Variants in SPRR2G observed in about 807,000 individuals in gnomAD.
SPRR2G encodes the protein small proline-rich protein 2G.
In SPRR2G, 1 loss-of-function variant was observed where a neutral mutation model predicts 0.7. That is an observed-to-expected ratio of 1.49 (90% confidence interval 0.53 to 7.06). The LOEUF is 7.06. Among genes scored for constraint, SPRR2G ranks in the 30% most tolerant of loss-of-function variants. The pLI, the probability that SPRR2G is intolerant of heterozygous loss-of-function variation, is 0.14. For synonymous variants in SPRR2G, 38 were observed against 33.9 expected, an observed-to-expected ratio of 1.12 and a Z score of -0.42; for missense variants, 96 against 88.5, an observed-to-expected ratio of 1.09 and a Z score of -0.34.
the SPRR2G span, among the ~76,000 whole-genome samples, chr1:153,194,192 A>G: frequency 9.2e-5 from 14 of 152,198 alleles, no homozygotes; most frequent in Non-Finnish European, 1.8e-4. Context: ...AAAAAAAGAG[A>G]GATCAGATTT....
At chr1:153,163,618 T>C in the SPRR2G span, among the ~76,000 whole-genome samples, 3,347 of 152,216 alleles carry the variant, frequency 0.022, 108 homozygotes, top group East Asian at 0.1. Context: ...AAAATGCAGC[T>C]CTCAATCCTC....
chr1:153,176,271 C>G, the SPRR2G span: 1 of 152,138 alleles, frequency 6.6e-6, no homozygotes, highest in Non-Finnish European at 1.5e-5. Flanking sequence ...AGTTGGAACA[C>G]GTGGACTTTG....
chr1:153,182,725 T>A, the SPRR2G span, among the ~76,000 whole-genome samples: 1 of 152,156 alleles, frequency 6.6e-6, no homozygotes, highest in Non-Finnish European at 1.5e-5. Context: ...ATGAACTCAT[T>A]CTTTTTTATG....
At chr1:153,162,841 A>G in the SPRR2G span, among the ~76,000 whole-genome samples, 3 of 152,176 alleles carry the variant, frequency 2.0e-5, no homozygotes, top group Non-Finnish European at 4.4e-5. Context: ...TGAGCCCCTT[A>G]GGGCAGAGAT....
chr1:153,183,581 G>A, the SPRR2G span, among the ~76,000 whole-genome samples: 2 of 151,930 alleles, frequency 1.3e-5, no homozygotes, highest in East Asian at 1.9e-4. Context: ...TTTTTTTCTT[G>A]TAAATTTATT....
chr1:153,169,723 G>C, the SPRR2G span, among the ~76,000 whole-genome samples: 33 of 151,652 alleles, frequency 2.2e-4, no homozygotes, highest in Non-Finnish European at 3.8e-4. Flanking sequence ...AACAACCCAG[G>C]GCATGAAGCT....
chr1:153,165,276 C>G, the SPRR2G span, among the ~76,000 whole-genome samples: 4 of 151,922 alleles, frequency 2.6e-5, no homozygotes, highest in Admixed American at 6.6e-5. Flanking sequence ...TGAACTAATA[C>G]AATAAATAGG....
At chr1:153,162,806 T>A in the SPRR2G span, among the ~76,000 whole-genome samples, 1 of 152,194 alleles carries the variant, frequency 6.6e-6, no homozygotes. Context: ...TTTCTATGTG[T>A]CTTTATATTT....
chr1:153,194,553 G>A, the SPRR2G span, among the ~76,000 whole-genome samples: 1 of 152,180 alleles, frequency 6.6e-6, no homozygotes, highest in Non-Finnish European at 1.5e-5. Context: ...GTCTTCATAA[G>A]GTACAGCCTT....
chr1:153,177,786 T>G, the SPRR2G span, among the ~76,000 whole-genome samples: 1 of 152,252 alleles, frequency 6.6e-6, no homozygotes, highest in African/African-American at 2.4e-5. Flanking sequence ...ACCTACAACT[T>G]TGTTATTTTC....
the SPRR2G span, among the ~76,000 whole-genome samples, chr1:153,188,634 C>G: frequency 2.0e-5 from 3 of 152,190 alleles, no homozygotes; most frequent in Non-Finnish European, 4.4e-5. Context: ...ACCCGCTGAT[C>G]AAGATCACTT....
chr1:153,159,521 C>G, the SPRR2G span, among the ~76,000 whole-genome samples: 1 of 152,202 alleles, frequency 6.6e-6, no homozygotes, highest in Non-Finnish European at 1.5e-5. Context: ...ACAATATCTG[C>G]CCATTACCCA....
At chr1:153,170,965 C>T in the SPRR2G span, among the ~76,000 whole-genome samples, 1 of 152,290 alleles carries the variant, frequency 6.6e-6, no homozygotes, top group African/African-American at 2.4e-5. Context: ...TTCTCAAAGA[C>T]CTAGAAGATC....
At chr1:153,186,909 C>G in the SPRR2G span, among the ~76,000 whole-genome samples, 8 of 152,172 alleles carry the variant, frequency 5.3e-5, no homozygotes, top group Admixed American at 5.2e-4. Flanking sequence ...GACAAAATCA[C>G]TCAGCATTTG....
the SPRR2G span, among the ~76,000 whole-genome samples, chr1:153,175,926 G>A: frequency 0.037 from 5,683 of 152,146 alleles, 337 homozygotes; most frequent in Admixed American, 0.15. Flanking sequence ...ATGTGGTGGT[G>A]CATGCCTATA....
the SPRR2G span, among the ~76,000 whole-genome samples, chr1:153,166,681 T>C: frequency 2.0e-5 from 3 of 152,112 alleles, no homozygotes; most frequent in African/African-American, 4.8e-5. Flanking sequence ...AGAATAGATA[T>C]GTCATTTCAT....
the SPRR2G span, among the ~76,000 whole-genome samples, chr1:153,186,589 T>C: frequency 6.6e-6 from 1 of 152,206 alleles, no homozygotes; most frequent in African/African-American, 2.4e-5. Flanking sequence ...AGCCTATGTG[T>C]GTCTTTGCAA....
chr1:153,160,644 G>A, the SPRR2G span, among the ~76,000 whole-genome samples: 4 of 152,128 alleles, frequency 2.6e-5, no homozygotes, highest in South Asian at 8.3e-4. Context: ...CTGTTGGTGG[G>A]ACTGTAAACT....
At chr1:153,170,010 T>G in the SPRR2G span, among the ~76,000 whole-genome samples, 1 of 152,224 alleles carries the variant, frequency 6.6e-6, no homozygotes, top group Non-Finnish European at 1.5e-5. Flanking sequence ...CAGTTTATAT[T>G]AACTAATATA....
Sources: allele counts gnomAD v4.1 joint callset (sites outside exome capture counted in the v4.1 genomes callset), GRCh38; gene constraint gnomAD v4.1.1; transcripts MANE v1.5; gene names NCBI Gene and HGNC (gene_info 2026-07-23, HGNC 2026-07-21).